The following TRPM3 variants were observed in gnomAD, a reference collection of about 807,000 sequenced individuals.
TRPM3 encodes the protein transient receptor potential cation channel subfamily M member 3.
TRPM3 carries 77 observed loss-of-function variants against 181.2 expected under a neutral mutation model. The observed-to-expected ratio is 0.42, with a 90% confidence interval of 0.35 to 0.51. The LOEUF (loss-of-function observed/expected upper bound fraction) is 0.51. Among genes scored for constraint, TRPM3 ranks in the 20% least tolerant of loss-of-function variants. The pLI, the probability that TRPM3 is intolerant of heterozygous loss-of-function variation, is 0.01. For missense variants in TRPM3, 1,759 were observed against 2,196.7 expected (o/e 0.80, Z 3.98); for synonymous variants, 745 against 796.4 (o/e 0.94, Z 1.09).
At chr9:70,646,129 G>A (rs1176832908) in intron 9 of TRPM3, among the ~76,000 whole-genome samples, 1 of 152,192 alleles carries the variant, frequency 6.6e-6, no homozygotes, top group Non-Finnish European at 1.5e-5. Context: ...ACTGTTGGGA[G>A]TGTAAATTAG....
At position 70,546,469 on chromosome 9, in the gene TRPM3, A is replaced by C. The variant is rs550235000; in HGVS notation, c.3707+3073T>G. On this transcript the variant is annotated intron_variant, in intron 25 of 25. Transcript: ENST00000677713. Reference sequence around the variant, plus strand: ...GGTCATCCCTGCTGGGATGCACACAAAAGCTCAATGAGGCTGCATGTTTCC... The same window carrying C: ...GGTCATCCCTGCTGGGATGCACACACAAGCTCAATGAGGCTGCATGTTTCC... 2.6e-5 allele frequency among the ~76,000 whole-genome samples: 4 copies of C among 152,262 alleles called. No individual in the cohort carries two copies. The South Asian group carries it at 8.3e-4, about 32-fold the overall frequency.
chr9:71,387,064 A>T lies in TRPM3; in HGVS notation c.183+59589T>A, dbSNP rs183051567. On this transcript the variant is annotated intron_variant, in intron 1 of 24. Transcript: ENST00000357533. ...GTTATCTAACATATAAGAATAAGTT[A>T]GGTCAAATTTTTCAGGGAAAGAGAC... Among the ~76,000 whole-genome samples the T allele has an allele frequency of 4.9e-3, 751 of 152,352 alleles. 5 individuals carry two copies. The highest frequency in any genetic ancestry group is 0.017 in the Middle Eastern group (5 of 294).
intron 1 of TRPM3, among the ~76,000 whole-genome samples, chr9:70,867,696 A>G (rs766638955): frequency 2.0e-5 from 3 of 152,142 alleles, no homozygotes; most frequent in Non-Finnish European, 4.4e-5. Flanking sequence ...AATAGAAAGA[A>G]TGCAGGTATA....
chr9:70,956,341 G>C (rs1235452338), intron 1 of TRPM3, among the ~76,000 whole-genome samples: 1 of 93,262 alleles, frequency 1.1e-5, no homozygotes, highest in African/African-American at 4.5e-5. Context: ...ACTGGCTTCT[G>C]TTAATTAAAC....
At chr9:70,810,739 A>C (rs1289402636) in intron 6 of TRPM3, among the ~76,000 whole-genome samples, 1 of 152,182 alleles carries the variant, frequency 6.6e-6, no homozygotes, top group Non-Finnish European at 1.5e-5. Context: ...TTTTGGAATT[A>C]TGTCAGCCTA....
chr9:71,080,697 C>T (rs886109564), intron 1 of TRPM3, among the ~76,000 whole-genome samples: 5 of 152,132 alleles, frequency 3.3e-5, no homozygotes, highest in African/African-American at 1.2e-4. Flanking sequence ...GTCCTAGGTG[C>T]ACTCAGCTAG....
chr9:71,278,438 T>G (rs946890407), intron 1 of TRPM3, among the ~76,000 whole-genome samples: 4 of 152,120 alleles, frequency 2.6e-5, no homozygotes, highest in African/African-American at 9.7e-5. Context: ...TCAGAACAAA[T>G]GCAAAAGATA....
chr9:70,828,126 G>T, intron 5 of TRPM3, 108 bp from the exon 6 acceptor site: 1 of 1,154,982 alleles, frequency 8.7e-7, no homozygotes, highest in Non-Finnish European at 1.2e-6. Context: ...CAGTTCTGTG[G>T]TACAGTGAAA....
intron 1 of TRPM3, among the ~76,000 whole-genome samples, chr9:71,214,217 G>A (rs1313348564): frequency 1.3e-5 from 2 of 152,106 alleles, no homozygotes; most frequent in Admixed American, 6.6e-5. Flanking sequence ...TGAAAGGGAT[G>A]GGAAAAGGAG....
intron 1 of TRPM3, among the ~76,000 whole-genome samples, chr9:70,968,938 G>A (rs759317454): frequency 1.1e-4 from 17 of 152,130 alleles, no homozygotes; most frequent in African/African-American, 3.9e-4. Context: ...ATACCATTCA[G>A]GACATAGGCA....
intron 1 of TRPM3, among the ~76,000 whole-genome samples, chr9:71,000,718 C>A (rs1336266638): frequency 1.3e-5 from 2 of 152,184 alleles, no homozygotes; most frequent in African/African-American, 2.4e-5. Flanking sequence ...ACATAGTTAA[C>A]AAGAAGCTGG....
At chr9:70,767,958 AAGT>A (rs975572159) in intron 7 of TRPM3, among the ~76,000 whole-genome samples, 4 of 152,190 alleles carry the variant, frequency 2.6e-5, no homozygotes, top group African/African-American at 9.6e-5. Context: ...AAGTCACTAA[AAGT>A]AGCCCAGAAT....
intron 1 of TRPM3, 24 bp from the exon 2 acceptor site, chr9:70,864,535 A>AG (rs1554753034): frequency 6.8e-6 from 10 of 1,465,400 alleles, no homozygotes; most frequent in East Asian, 2.4e-5. Context: ...CAAAAAAAAA[A>AG]AAAAAAGAAA....
chr9:71,011,783 T>G (rs1270789423), intron 1 of TRPM3, among the ~76,000 whole-genome samples: 5 of 124,488 alleles, frequency 4.0e-5, no homozygotes, highest in East Asian at 2.2e-4. Flanking sequence ...TTTTTTTTTG[T>G]TTTTTTGTTT....
chr9:70,635,321 CAAG>C, intron 11 of TRPM3, 60 bp from the exon 12 acceptor site: 1 of 1,491,862 alleles, frequency 6.7e-7, no homozygotes. Flanking sequence ...GTTGGCAAGA[CAAG>C]AAGGATCTAG....
At chr9:71,190,768 G>T (rs998693510) in intron 1 of TRPM3, among the ~76,000 whole-genome samples, 2 of 151,802 alleles carry the variant, frequency 1.3e-5, no homozygotes, top group Admixed American at 6.6e-5. Context: ...CATGTCCTCT[G>T]TTCTAATCCA....
intron 1 of TRPM3, among the ~76,000 whole-genome samples, chr9:71,213,013 A>C (rs1429586005): frequency 6.6e-6 from 1 of 152,222 alleles, no homozygotes; most frequent in African/African-American, 2.4e-5. Context: ...ATTTTTAATC[A>C]GATATATAAG....
intron 1 of TRPM3, among the ~76,000 whole-genome samples, chr9:71,228,536 T>C (rs1224812132): frequency 6.6e-6 from 1 of 152,164 alleles, no homozygotes; most frequent in East Asian, 1.9e-4. Context: ...AATCAAATTA[T>C]CCTTGTTTGC....
intron 1 of TRPM3, among the ~76,000 whole-genome samples, chr9:71,442,166 C>T (rs2094144456): frequency 6.6e-6 from 1 of 152,178 alleles, no homozygotes; most frequent in Non-Finnish European, 1.5e-5. Flanking sequence ...CTGCTGTTTC[C>T]ATACACTCTC....
Sources: gnomAD v4.1 joint callset for allele counts (sites outside exome capture counted in the v4.1 genomes callset) on GRCh38, gnomAD v4.1.1 for gene constraint, MANE v1.5 for transcripts, NCBI Gene and HGNC (gene_info 2026-07-23, HGNC 2026-07-21) for gene names.